The following ABL2 variants were observed in gnomAD, a reference collection of about 807,000 sequenced individuals.
ABL2 encodes the protein tyrosine-protein kinase ABL2.
Under a neutral mutation model 107.7 loss-of-function variants are expected in ABL2, and 49 were observed. That is an observed-to-expected ratio of 0.45 (90% CI 0.36 to 0.58). ABL2 has a LOEUF of 0.58. Ranked by LOEUF, ABL2 falls within the 20% of genes least tolerant of loss-of-function variation. The pLI, the probability that ABL2 is intolerant of heterozygous loss-of-function variation, is 0.00. For synonymous variants in ABL2, 549 were observed against 548.6 expected, an observed-to-expected ratio of 1.00 and a Z score of -0.01; for missense variants, 1,245 against 1,457.0, an observed-to-expected ratio of 0.85 and a Z score of 2.37.
At chr1:179,111,380 G>C (rs1654067320) in intron 10 of ABL2, among the ~76,000 whole-genome samples, 2 of 143,644 alleles carry the variant, frequency 1.4e-5, no homozygotes, top group Admixed American at 1.4e-4. Context: ...CCGTCTCCCG[G>C]GTTCAAGTGA....
At chr1:179,165,881 T>C (rs1659348747) in intron 1 of ABL2, among the ~76,000 whole-genome samples, 1 of 152,024 alleles carries the variant, frequency 6.6e-6, no homozygotes, top group Non-Finnish European at 1.5e-5. Flanking sequence ...CTGCAACCTC[T>C]GCCTCCTAGG....
At position 179,143,062 on chromosome 1, in the gene ABL2, C is replaced by CAAA. The variant is rs776327250; in HGVS notation, c.158-9691_158-9689dup. ...AGGACCATACCTCTGCCCAGAAGCACAAAAGTTAAACTGTTCTGTGTAAAG... is the reference window on the plus strand; with the variant it reads ...AGGACCATACCTCTGCCCAGAAGCACAAAAAAAGTTAAACTGTTCTGTGTAAAG... On this transcript the variant is annotated intron_variant, in intron 1 of 11. Coordinates refer to ENST00000502732, the MANE Select transcript of ABL2 (RefSeq NM_007314.4). 1.9e-5 allele frequency: 31 copies of CAAA among 1,612,930 alleles called. No individual in the cohort carries two copies. The South Asian group carries it at 3.4e-4, about 18-fold the overall frequency.
chr1:179,131,254 ATC>A (rs1460478702), intron 3 of ABL2, 55 bp downstream of exon 3: 2 of 1,568,556 alleles, frequency 1.3e-6, no homozygotes, highest in Non-Finnish European at 8.7e-7. Flanking sequence ...AGGCCCCTTT[ATC>A]TCTTAATCAT....
At chr1:179,155,306 T>C (rs539977338) in intron 1 of ABL2, among the ~76,000 whole-genome samples, 4 of 152,344 alleles carry the variant, frequency 2.6e-5, no homozygotes, top group Non-Finnish European at 4.4e-5. Flanking sequence ...CGGAACGATA[T>C]GCATGTGCTT....
At chr1:179,204,778 CTAAGA>C (rs1177843174) in intron 1 of ABL2, among the ~76,000 whole-genome samples, 5 of 151,890 alleles carry the variant, frequency 3.3e-5, no homozygotes, top group African/African-American at 1.2e-4. Flanking sequence ...CACAAAAAAA[CTAAGA>C]TGATTGTTTT....
chr1:179,117,920 AC>A (rs1322330679), intron 7 of ABL2, among the ~76,000 whole-genome samples: 4 of 151,430 alleles, frequency 2.6e-5, no homozygotes. Flanking sequence ...AGAGTTCAGG[AC>A]CAGCCGGGGC....
At position 179,217,124 on chromosome 1, in the gene ABL2, T is replaced by C. The variant is rs897853395; in HGVS notation, c.157+12117A>G. Among the ~76,000 whole-genome samples, 22 of 142,324 alleles carry C rather than the reference T, an allele frequency of 1.5e-4. 1 individual carries two copies. The highest frequency in any genetic ancestry group is 1.1e-3 in the Admixed American group (16 of 14,354). 93.4% of individuals were successfully genotyped at this position (142,324 alleles called of 152,430 possible). A position where few individuals can be genotyped will look rare whatever the true frequency, so the allele number is the denominator to read the frequency against. On this transcript the variant is annotated intron_variant, in intron 1 of 11. Coordinates refer to ENST00000502732, the MANE Select transcript of ABL2 (RefSeq NM_007314.4). ...CAGCCTGGCCAACGTGGTGAAACCGTCTCTACTAAAAATACAAAAATTAGC... is the reference window on the plus strand; with the variant it reads ...CAGCCTGGCCAACGTGGTGAAACCGCCTCTACTAAAAATACAAAAATTAGC...
intron 9 of ABL2, 66 bp downstream of exon 9, chr1:179,114,812 A>T: frequency 6.8e-7 from 1 of 1,462,104 alleles, no homozygotes; most frequent in Admixed American, 2.3e-5. Flanking sequence ...AAATGTTTCT[A>T]ATTTTGTTAA....
At chr1:179,213,189 T>C (rs1662381596) in intron 1 of ABL2, among the ~76,000 whole-genome samples, 1 of 152,084 alleles carries the variant, frequency 6.6e-6, no homozygotes, top group Non-Finnish European at 1.5e-5. Context: ...ATGTAATCAA[T>C]ATAAAAAAAT....
intron 1 of ABL2, among the ~76,000 whole-genome samples, chr1:179,190,258 C>T (rs1204051500): frequency 6.6e-6 from 1 of 152,122 alleles, no homozygotes; most frequent in African/African-American, 2.4e-5. Context: ...ACTGGGATTT[C>T]CACAACCCCC....
chr1:179,166,201 A>C (rs1659369653), intron 1 of ABL2, among the ~76,000 whole-genome samples: 1 of 152,180 alleles, frequency 6.6e-6, no homozygotes, highest in Non-Finnish European at 1.5e-5. Context: ...TTTTATGGCT[A>C]AGACCTCAAA....
intron 1 of ABL2, among the ~76,000 whole-genome samples, chr1:179,174,900 AAAAAAAAATAAAAT>A (rs1215677078): frequency 1.9e-5 from 2 of 104,210 alleles, no homozygotes; most frequent in Admixed American, 1.1e-4. Flanking sequence ...TGTCTCAAAA[AAAAAAAAATAAAAT>A]AAAAAAAATA....
chr1:179,130,035 G>A (rs10913698), intron 3 of ABL2, among the ~76,000 whole-genome samples: 2,064 of 152,274 alleles, frequency 0.014, 67 homozygotes, highest in African/African-American at 0.046. Flanking sequence ...CCCGTCCCAA[G>A]TTCAAGCAAT....
Position 179,191,375 on chromosome 1 carries a change from T to A in ABL2, c.157+37866A>T, listed in dbSNP as rs555651976. Among the ~76,000 whole-genome samples, 58 of 151,792 alleles carry A rather than the reference T, an allele frequency of 3.8e-4. No individual in the cohort carries two copies. The South Asian group carries it at 0.012, about 32-fold the overall frequency. ...CTATATTAAATTATTAGATGTTGTA[T>A]GATAGTATGAGAACCTTAATCTTTC... On this transcript the variant is annotated intron_variant, in intron 1 of 11. Transcript: ENST00000502732.
At chr1:179,225,936 C>T (rs576809208) in intron 1 of ABL2, among the ~76,000 whole-genome samples, 28 of 147,294 alleles carry the variant, frequency 1.9e-4, no homozygotes, top group Non-Finnish European at 3.6e-4. Context: ...CCCAGCTGCT[C>T]GGGAGGCTGA....
chr1:179,206,800 T>A (rs1248039130), intron 1 of ABL2, among the ~76,000 whole-genome samples: 4 of 152,112 alleles, frequency 2.6e-5, no homozygotes, highest in Admixed American at 6.6e-5. Context: ...TAAATTTTTT[T>A]AAAAAACTCA....
rs71108091 is a variant in ABL2 at position 179,101,377 on chromosome 1, CTT to C, written c.*6339_*6340del. The C allele has an allele frequency of 2.6e-3, 437 of 168,458 alleles. No individual in the cohort carries two copies. Among genetic ancestry groups the C allele is most frequent in the Non-Finnish European group, 4.1e-3 (334 of 80,598 alleles). The allele number at this position is 168,458 out of a possible 1,614,324, so 10.4% of individuals were successfully genotyped here. On this transcript the variant is annotated 3_prime_UTR_variant, in exon 12 of 12. Transcript: ENST00000502732. ...ATATTGAGTCAGAAATGAAGGTATC[CTT>C]TTTTTTTTTTTTCTTCTTAACGTGT...
At chr1:179,121,970 G>C in intron 4 of ABL2, 103 bp from the exon 5 acceptor site, 1 of 1,161,196 alleles carries the variant, frequency 8.6e-7, no homozygotes, top group South Asian at 1.7e-5. Flanking sequence ...CTGTCACCCA[G>C]GCTGGAGTGC....
intron 1 of ABL2, among the ~76,000 whole-genome samples, chr1:179,183,100 G>A (rs905341230): frequency 5.3e-5 from 8 of 151,870 alleles, no homozygotes; most frequent in East Asian, 1.9e-4. Context: ...CTGCAGCCTC[G>A]ATCTCCTGGG....
Sources: allele counts gnomAD v4.1 joint callset (sites outside exome capture counted in the v4.1 genomes callset), GRCh38; gene constraint gnomAD v4.1.1; transcripts MANE v1.5; gene names NCBI Gene and HGNC (gene_info 2026-07-23, HGNC 2026-07-21).